The following SULT1C3 variants were observed in gnomAD, a reference collection of about 807,000 sequenced individuals.
SULT1C3 encodes sulfotransferase family 1C member 3.
Under a neutral mutation model 28.4 loss-of-function variants are expected in SULT1C3, and 31 were observed. That is an observed-to-expected ratio of 1.09 (90% CI 0.82 to 1.47). The LOEUF is 1.47. Ranked by LOEUF, SULT1C3 falls within the 40% of genes most tolerant of loss-of-function variation. The pLI is 0.00. For synonymous variants in SULT1C3, 106 were observed against 92.2 expected (o/e 1.15, Z -0.86); for missense variants, 307 against 272.5 (o/e 1.13, Z -0.89).
chr2:108,254,833 A>ATG (rs1206411822), intron 4 of SULT1C3, among the ~76,000 whole-genome samples: 1 of 151,288 alleles, frequency 6.6e-6, no homozygotes, highest in African/African-American at 2.4e-5. Flanking sequence ...ATATACACAT[A>ATG]TATATGTGTG....
Position 108,258,747 on chromosome 2 carries a change from C to G in SULT1C3, c.540C>G (p.Ser180=), listed in dbSNP as rs1675939137. 1.2e-6 allele frequency: 2 copies of G among 1,612,514 alleles called. No individual in the cohort carries two copies. The highest frequency in any genetic ancestry group is 1.7e-5 in the Admixed American group (1 of 59,884). The change falls in exon 6 of 8, where the codon TCC becomes TCG. Residue 180 remains serine, a synonymous_variant. Coordinates refer to ENST00000681802, the MANE Select transcript of SULT1C3 (RefSeq NM_001320878.2). ...GACTTCTTCCAGTTGTTGGCGGGTC[C>G]TGGTTTGACCATGTGAAAGGATGGT... ...KFMSGKVVGG[S]WFDHVKGWWA... is the part of the protein sequence containing the mutation.
chr2:108,258,992 G>A lies in SULT1C3; in HGVS notation c.648G>A (p.Val216=), dbSNP rs1460138266. 2 of 679,912 alleles carry A rather than the reference G, an allele frequency of 2.9e-6. No individual in the cohort carries two copies. Among genetic ancestry groups the A allele is most frequent in the Non-Finnish European group, 5.3e-6 (2 of 378,242 alleles). The allele number at this position is 679,912 out of a possible 1,614,324, so 42.1% of individuals were successfully genotyped here. Residue 216 remains valine, a synonymous_variant, in exon 7 of 8, where the codon GTG becomes GTA. Transcript: ENST00000681802. ...KKNPKHEIHK[V]LEFLEKTWSG... ...ATCCAAAACATGAGATCCACAAGGT[G>A]TTGGAATTCTTGGAGAAAACTTGGT...
At chr2:108,241,549 A>C (rs1257919170) in intron 1 of SULT1C3, among the ~76,000 whole-genome samples, 1 of 152,200 alleles carries the variant, frequency 6.6e-6, no homozygotes, top group Non-Finnish European at 1.5e-5. Flanking sequence ...CACTTAGTTA[A>C]CTCTTGTCTT....
chr2:108,255,755 C>T, intron 5 of SULT1C3, 57 bp downstream of exon 5: 1 of 1,565,006 alleles, frequency 6.4e-7, no homozygotes, highest in African/African-American at 1.4e-5. Context: ...ACAATAAGCA[C>T]CTCTGTAAAC....
At chr2:108,263,578 T>C (rs1208504967), downstream of SULT1C3, among the ~76,000 whole-genome samples, 3 of 152,176 alleles carry the variant, frequency 2.0e-5, no homozygotes, top group Non-Finnish European at 4.4e-5. Context: ...AGCATTGGTA[T>C]AGGGGAGGTC....
chr2:108,262,824 C>A (rs1426103826), downstream of SULT1C3, among the ~76,000 whole-genome samples: 4 of 152,084 alleles, frequency 2.6e-5, no homozygotes, highest in African/African-American at 9.7e-5. Flanking sequence ...GGCCCAATAA[C>A]AAGATGCAGA....
chr2:108,245,369 G>A (rs907638695), intron 1 of SULT1C3, among the ~76,000 whole-genome samples: 1 of 152,162 alleles, frequency 6.6e-6, no homozygotes, highest in Non-Finnish European at 1.5e-5. Flanking sequence ...TTAAGGGAGG[G>A]AGCATGCTAG....
downstream of SULT1C3, among the ~76,000 whole-genome samples, chr2:108,263,964 T>G (rs373942964): frequency 1.8e-4 from 27 of 152,208 alleles, no homozygotes; most frequent in East Asian, 1.2e-3. Flanking sequence ...ATCATATCTA[T>G]CTCATGAGAT....
downstream of SULT1C3, among the ~76,000 whole-genome samples, chr2:108,261,066 T>A (rs1676014294): frequency 6.6e-6 from 1 of 152,154 alleles, no homozygotes; most frequent in African/African-American, 2.4e-5. Context: ...AGAGAGAATG[T>A]AACAGCTTGA....
chr2:108,260,307 A>G (rs1156285474), intron 7 of SULT1C3, among the ~76,000 whole-genome samples: 1 of 152,138 alleles, frequency 6.6e-6, no homozygotes, highest in African/African-American at 2.4e-5. Context: ...ACCCTGGAGC[A>G]GAAGATTCAG....
rs1437926204 is a variant in SULT1C3 at position 108,247,338 on chromosome 2, T to A, written c.144T>A (p.Asp48Glu). Residue 48 changes from aspartate (D) to glutamate (E), a missense_variant, in exon 2 of 8, where the codon GAT (aspartate) becomes GAA (glutamate). Asp to Glu is a conservative substitution (Grantham distance 45). Coordinates refer to ENST00000681802, the MANE Select transcript of SULT1C3 (RefSeq NM_001320878.2). ...GTAATTTCCAAGCCAAGCCTGATGA[T>A]CTTATTCTGGCAACTTACCCAAAGT... ...KVCNFQAKPD[D>E]LILATYPKSG... The A allele has an allele frequency of 1.3e-6, 2 of 1,555,946 alleles. No individual in the cohort carries two copies. The highest frequency in any genetic ancestry group is 2.8e-5 in the African/African-American group (2 of 72,422).
intron 3 of SULT1C3, among the ~76,000 whole-genome samples, chr2:108,252,824 G>C (rs778821750): frequency 9.9e-5 from 15 of 152,030 alleles, no homozygotes; most frequent in Non-Finnish European, 5.9e-5. Context: ...ATCAGCTATT[G>C]TAAAATAACA....
chr2:108,247,251 C>T lies in SULT1C3; in HGVS notation c.57C>T (p.Asn19=), dbSNP rs1558662037. The T allele has an allele frequency of 6.3e-7, 1 of 1,591,778 alleles. No individual in the cohort carries two copies. The highest frequency in any genetic ancestry group is 8.6e-7 in the Non-Finnish European group (1 of 1,168,582). ...PTMEKKPELF[N]IMEVDGVPTL... is the part of the protein sequence containing the mutation. ...TGGAAAAAAAGCCAGAACTGTTTAA[C>T]ATCATGGAAGTAGATGGAGTCCCTA... The change falls in exon 2 of 8, where the codon AAC becomes AAT. Residue 19 remains asparagine, a synonymous_variant. Coordinates refer to ENST00000681802, the MANE Select transcript of SULT1C3 (RefSeq NM_001320878.2).
chr2:108,245,526 G>T (rs574746256), intron 1 of SULT1C3, among the ~76,000 whole-genome samples: 1 of 152,146 alleles, frequency 6.6e-6, no homozygotes, highest in African/African-American at 2.4e-5. Flanking sequence ...AAGGAACACG[G>T]GAATTGAATG....
At chr2:108,242,413 G>C (rs1185806327) in intron 1 of SULT1C3, among the ~76,000 whole-genome samples, 1 of 152,114 alleles carries the variant, frequency 6.6e-6, no homozygotes, top group East Asian at 1.9e-4. Flanking sequence ...GCAGGGTCAG[G>C]TACCATGCAT....
At position 108,247,189 on chromosome 2, in the gene SULT1C3, T is replaced by C. The variant is rs766986898; in HGVS notation, c.-6T>C. ...TAGTATTGATCTTACCCATCCCAGA[T>C]TCCCAATGGCGAAGATTGAGAAAAA... On this transcript the variant is annotated splice_region_variant and 5_prime_UTR_variant, in exon 2 of 8. Transcript: ENST00000681802. 1.3e-5 allele frequency: 19 copies of C among 1,510,808 alleles called. No individual in the cohort carries two copies. The East Asian group carries it at 4.5e-4, about 36-fold the overall frequency. The allele number at this position is 1,510,808 out of a possible 1,614,324, so 93.6% of individuals were successfully genotyped here.
chr2:108,254,687 ATGTG>A (rs538237462), intron 4 of SULT1C3, among the ~76,000 whole-genome samples: 1 of 149,062 alleles, frequency 6.7e-6, no homozygotes, highest in South Asian at 2.1e-4. Context: ...CATGTGAGAT[ATGTG>A]TGTGTGTGTG....
intron 1 of SULT1C3, 115 bp from the exon 2 acceptor site, chr2:108,247,072 AG>A (rs1265884612): frequency 1.4e-5 from 10 of 706,354 alleles, no homozygotes; most frequent in African/African-American, 1.8e-5. Flanking sequence ...GTTATATGTT[AG>A]CTTTCACTTA....
At chr2:108,253,103 C>T (rs1222622236) in intron 3 of SULT1C3, among the ~76,000 whole-genome samples, 2 of 151,806 alleles carry the variant, frequency 1.3e-5, no homozygotes, top group Non-Finnish European at 2.9e-5. Context: ...CAGAATTAAT[C>T]GAGGGTGAAA....
Sources: allele counts gnomAD v4.1 joint callset (sites outside exome capture counted in the v4.1 genomes callset), GRCh38; gene constraint gnomAD v4.1.1; transcripts MANE v1.5; gene names NCBI Gene and HGNC (gene_info 2026-07-23, HGNC 2026-07-21).